THRB: variants seen among roughly 807,000 people sequenced by gnomAD.
THRB encodes the protein thyroid hormone receptor beta, also known as nuclear receptor subfamily 1 group A member 2.
THRB carries 12 observed loss-of-function variants against 47.8 expected under a neutral mutation model. That is an observed-to-expected ratio of 0.25 (90% CI 0.16 to 0.41). The LOEUF (loss-of-function observed/expected upper bound fraction) is 0.41. Ranked by LOEUF, THRB falls within the 10% of genes least tolerant of loss-of-function variation. THRB has a pLI of 1.00. For synonymous variants in THRB, 218 were observed against 212.2 expected (o/e 1.03, Z -0.24); for missense variants, 348 against 589.2 (o/e 0.59, Z 4.24).
At chr3:24,404,154 T>G (rs1400545662) in intron 1 of THRB, among the ~76,000 whole-genome samples, 2 of 151,946 alleles carry the variant, frequency 1.3e-5, no homozygotes, top group Non-Finnish European at 2.9e-5. Context: ...TAATGAAATG[T>G]GTCTACATCT....
intron 1 of THRB, among the ~76,000 whole-genome samples, chr3:24,355,675 C>G (rs1438894164): frequency 6.6e-6 from 1 of 152,152 alleles, no homozygotes; most frequent in Non-Finnish European, 1.5e-5. Flanking sequence ...CCTGGCTATA[C>G]CAGAGAGATG....
At chr3:24,173,078 T>C (rs13323638) in intron 5 of THRB, among the ~76,000 whole-genome samples, 9,637 of 152,236 alleles carry the variant, frequency 0.063, 862 homozygotes, top group African/African-American at 0.2. Flanking sequence ...CATTAGCATA[T>C]CCTGGAACTT....
chr3:24,488,051 C>A (rs1011169623), intron 1 of THRB, among the ~76,000 whole-genome samples: 2 of 152,168 alleles, frequency 1.3e-5, no homozygotes, highest in Non-Finnish European at 2.9e-5. Flanking sequence ...ATATATTATG[C>A]TACTAACACC....
chr3:24,152,659 C>T (rs1303185072), intron 5 of THRB, among the ~76,000 whole-genome samples, 169 bp from the exon 6 acceptor site: 1 of 152,090 alleles, frequency 6.6e-6, no homozygotes, highest in East Asian at 1.9e-4. Flanking sequence ...ATAGAGTTAA[C>T]ATAGGCCCAG....
At chr3:24,311,568 T>C (rs1020622078) in intron 2 of THRB, among the ~76,000 whole-genome samples, 2 of 152,322 alleles carry the variant, frequency 1.3e-5, no homozygotes, top group South Asian at 2.1e-4. Flanking sequence ...GCCCCTTTTT[T>C]ACACCTGAGT....
Position 24,192,070 on chromosome 3 carries a change from T to A in THRB, c.23-1736A>T, listed in dbSNP as rs147581562. 1.9e-3 allele frequency among the ~76,000 whole-genome samples: 296 copies of A among 152,328 alleles called. 1 individual carries two copies. Among genetic ancestry groups the A allele is most frequent in the African/African-American group, 6.6e-3 (274 of 41,580 alleles). ...CTTTTCAGAGTTTATATGGCATTAT[T>A]CATTGCATGGTAAATCAAAAAGGTG... On this transcript the variant is annotated intron_variant, in intron 4 of 10. Transcript: ENST00000646209.
chr3:24,165,462 T>C, intron 5 of THRB: 1 of 639,544 alleles, frequency 1.6e-6, no homozygotes, highest in Admixed American at 2.6e-5. Flanking sequence ...GAAGCATACA[T>C]ACATACACAT....
At chr3:24,254,496 C>T (rs1354606470) in intron 3 of THRB, among the ~76,000 whole-genome samples, 1 of 152,034 alleles carries the variant, frequency 6.6e-6, no homozygotes, top group Admixed American at 6.6e-5. Flanking sequence ...AGAGTGGCTG[C>T]AAATATTTAG....
chr3:24,417,095 AACACACACACACACAC>A (rs67541584), intron 1 of THRB, among the ~76,000 whole-genome samples: 3 of 135,576 alleles, frequency 2.2e-5, no homozygotes, highest in Non-Finnish European at 3.3e-5. Context: ...ATTTTAAACC[AACACACACACACACAC>A]ACACACACAC....
At chr3:24,407,330 T>G (rs2067905947) in intron 1 of THRB, among the ~76,000 whole-genome samples, 2 of 129,142 alleles carry the variant, frequency 1.5e-5, no homozygotes, top group African/African-American at 6.2e-5. Context: ...GGTGCCTAGA[T>G]CCACAGATTG....
At chr3:24,199,968 C>A in intron 4 of THRB, among the ~76,000 whole-genome samples, 1 of 152,144 alleles carries the variant, frequency 6.6e-6, no homozygotes, top group Non-Finnish European at 1.5e-5. Flanking sequence ...CCGGAGGACA[C>A]AATGGAATCC....
At chr3:24,489,411 T>G (rs1421939265) in intron 1 of THRB, among the ~76,000 whole-genome samples, 1 of 152,130 alleles carries the variant, frequency 6.6e-6, no homozygotes, top group Non-Finnish European at 1.5e-5. Context: ...CTGTGCAAAT[T>G]TAATGTGTCT....
At chr3:24,484,452 T>C (rs1696970246) in intron 1 of THRB, among the ~76,000 whole-genome samples, 1 of 152,150 alleles carries the variant, frequency 6.6e-6, no homozygotes. Flanking sequence ...TTAATATTTT[T>C]ATATTGATTA....
Position 24,127,676 on chromosome 3 carries a change from G to A in THRB, c.967C>T (p.Pro323Ser). 1 of 1,614,178 alleles carries A rather than the reference G, an allele frequency of 6.2e-7. No individual in the cohort carries two copies. The highest frequency in any genetic ancestry group is 1.1e-5 in the South Asian group (1 of 91,070). The change falls in exon 10 of 11, where the codon CCA (proline) becomes TCA (serine). Residue 323 changes from proline to serine, a missense_variant. By Grantham distance (74) the Pro-to-Ser change is moderately conservative. Transcript: ENST00000646209. Reference sequence around the variant, plus strand: ...TTCAAGGTTAAAGTCTCACTTTCTGGGTCATAGCGCACAGCAGCGCGAAGG... The same window carrying A: ...TTCAAGGTTAAAGTCTCACTTTCTGAGTCATAGCGCACAGCAGCGCGAAGG... ...MSLRAAVRYD[P>S]ESETLTLNGE...
intron 5 of THRB, among the ~76,000 whole-genome samples, chr3:24,164,195 C>T (rs758474194): frequency 2.5e-4 from 38 of 152,192 alleles, no homozygotes; most frequent in Non-Finnish European, 4.3e-4. Context: ...GTTTGCCTCC[C>T]TTATTTTATT....
chr3:24,394,124 G>A (rs918567425), intron 1 of THRB, among the ~76,000 whole-genome samples: 11 of 152,038 alleles, frequency 7.2e-5, no homozygotes, highest in Admixed American at 4.6e-4. Flanking sequence ...TGTGTGGTGG[G>A]GCCAGGATTT....
intron 7 of THRB, among the ~76,000 whole-genome samples, chr3:24,146,466 G>A (rs1273997318): frequency 6.6e-6 from 1 of 152,214 alleles, no homozygotes; most frequent in Non-Finnish European, 1.5e-5. Context: ...TGGTATGACA[G>A]GGTAGGATGG....
intron 3 of THRB, among the ~76,000 whole-genome samples, chr3:24,239,958 T>G (rs191423388): frequency 6.6e-6 from 1 of 152,276 alleles, no homozygotes; most frequent in Non-Finnish European, 1.5e-5. Flanking sequence ...TCCAAACAGC[T>G]TGACAGGTGG....
upstream of THRB, chr3:24,495,289 C>G (rs1232529397): frequency 4.8e-4 from 1 of 2,086 alleles, no homozygotes; most frequent in African/African-American, 0.038. Flanking sequence ...AAATGGCCTC[C>G]TGGCGCACAC....
Sources: gnomAD v4.1 joint callset for allele counts (sites outside exome capture counted in the v4.1 genomes callset) on GRCh38, gnomAD v4.1.1 for gene constraint, MANE v1.5 for transcripts, NCBI Gene and HGNC (gene_info 2026-07-23, HGNC 2026-07-21) for gene names.